The following MYLK variants were observed in gnomAD, a reference collection of about 807,000 sequenced individuals.
MYLK encodes myosin light chain kinase, smooth muscle.
MYLK carries 106 observed loss-of-function variants against 203.4 expected under a neutral mutation model. That is an observed-to-expected ratio of 0.52 (90% confidence interval 0.45 to 0.61). The LOEUF (loss-of-function observed/expected upper bound fraction) is 0.61, where lower values mean the gene tolerates loss of function less well. Among genes scored for constraint, MYLK ranks in the 20% least tolerant of loss-of-function variants. The probability of loss-of-function intolerance (pLI) is 0.00; values close to 1 mark genes in which losing one functional copy is unlikely to be tolerated. For synonymous variants in MYLK, 867 were observed against 959.5 expected (o/e 0.90, Z 1.78); for missense variants, 2,072 against 2,442.3 (o/e 0.85, Z 3.20).
chr3:123,626,876 T>C lies in MYLK; in HGVS notation c.5180A>G (p.Glu1727Gly). The change falls in exon 31 of 34, where the codon GAG becomes GGG. Residue 1727 changes from glutamate to glycine, a missense_variant. Glu to Gly is a moderately conservative substitution (Grantham distance 98). Coordinates refer to ENST00000360304, the MANE Select transcript of MYLK (RefSeq NM_053025.4). ...CCGGTCCTTGGAGAGTTTCTTGGCCTCCATGTTCTTGGTATCTTTCATTAG... is the reference window on the plus strand; with the variant it reads ...CCGGTCCTTGGAGAGTTTCTTGGCCCCCATGTTCTTGGTATCTTTCATTAG... Reference protein sequence around the residue: ...PWLMKDTKNMEAKKLSKDRMK... With the variant: ...PWLMKDTKNMGAKKLSKDRMK... 6.2e-7 allele frequency: 1 copy of C among 1,614,228 alleles called. No homozygotes were observed. Among genetic ancestry groups the C allele is most frequent in the South Asian group, 1.1e-5 (1 of 91,088 alleles).
intron 5 of MYLK, among the ~76,000 whole-genome samples, chr3:123,750,120 G>A (rs755217909): frequency 2.6e-5 from 4 of 152,214 alleles, no homozygotes; most frequent in African/African-American, 7.2e-5. Flanking sequence ...GCTTAAAATC[G>A]GTCTTGCTGC....
Position 123,654,743 on chromosome 3 carries a change from G to A in MYLK, c.4288+2383C>T, listed in dbSNP as rs1362208408. Among the ~76,000 whole-genome samples the A allele has an allele frequency of 5.9e-5, 8 of 135,342 alleles. No individual in the cohort carries two copies. The East Asian group carries it at 1.7e-3, about 29-fold the overall frequency. The allele number at this position is 135,342 out of a possible 152,430, so 88.8% of individuals were successfully genotyped here. A position where few individuals can be genotyped will look rare whatever the true frequency, so the allele number is the denominator to read the frequency against. Reference sequence around the variant, plus strand: ...TTTTTTTTTTTTTTTTTGAGACGGAGTCTCACTGTGTCACCCAGGCTGGAG... The same window carrying A: ...TTTTTTTTTTTTTTTTTGAGACGGAATCTCACTGTGTCACCCAGGCTGGAG... On this transcript the variant is annotated intron_variant, in intron 24 of 33. Transcript: ENST00000360304.
At chr3:123,664,990 A>G (rs1419515786) in intron 22 of MYLK, among the ~76,000 whole-genome samples, 1 of 152,170 alleles carries the variant, frequency 6.6e-6, no homozygotes, top group Non-Finnish European at 1.5e-5. Flanking sequence ...ATGTCTGCTA[A>G]TGGGTCTGGG....
chr3:123,721,971 C>T lies in MYLK; in HGVS notation c.1804+157G>A, dbSNP rs933667762. On this transcript the variant is annotated intron_variant, in intron 13 of 33. Transcript: ENST00000360304. ...GGTTGCAGCAGCCACTCCTCTGTCACGGCACCTGCCGCTGCCAGTGGTGTG... is the reference window on the plus strand; with the variant it reads ...GGTTGCAGCAGCCACTCCTCTGTCATGGCACCTGCCGCTGCCAGTGGTGTG... Among the ~76,000 whole-genome samples the T allele has an allele frequency of 4.5e-4, 68 of 152,236 alleles. 1 individual carries two copies. Among genetic ancestry groups the T allele is most frequent in the African/African-American group, 1.3e-3 (54 of 41,554 alleles).
chr3:123,646,528 CAT>C (rs1491145513), intron 27 of MYLK, among the ~76,000 whole-genome samples: 1 of 152,050 alleles, frequency 6.6e-6, no homozygotes, highest in Admixed American at 6.6e-5. Context: ...TGTGTGTGTG[CAT>C]GTGTGTGTGT....
intron 24 of MYLK, among the ~76,000 whole-genome samples, chr3:123,650,471 A>T (rs1309955181): frequency 1.3e-5 from 2 of 151,914 alleles, no homozygotes; most frequent in African/African-American, 4.8e-5. Flanking sequence ...GTGCGGGTGT[A>T]CCGGTGTGAG....
At chr3:123,652,524 A>G (rs1428833044) in intron 24 of MYLK, among the ~76,000 whole-genome samples, 1 of 152,204 alleles carries the variant, frequency 6.6e-6, no homozygotes, top group Admixed American at 6.5e-5. Flanking sequence ...GCACACCCAG[A>G]GAACACTAGA....
chr3:123,740,683 C>A (rs1311798591), intron 5 of MYLK, among the ~76,000 whole-genome samples: 2 of 152,214 alleles, frequency 1.3e-5, no homozygotes, highest in Admixed American at 1.3e-4. Context: ...CAAGGCGCTG[C>A]TATGCTGGAC....
Position 123,723,096 on chromosome 3 carries a change from C to G in MYLK, c.1652-816G>C, listed in dbSNP as rs116813508. On this transcript the variant is annotated intron_variant, in intron 12 of 33. Transcript: ENST00000360304. ...AAAAAAAATCTCATTACTGAAGAGT[C>G]TGTCCTCGGAGCAGGAATGTGTCCA... Among the ~76,000 whole-genome samples the G allele has an allele frequency of 8.9e-3, 1,353 of 152,210 alleles. 25 individuals carry two copies. Among genetic ancestry groups the G allele is most frequent in the African/African-American group, 0.029 (1,192 of 41,514 alleles).
chr3:123,642,237 T>C lies in MYLK; in HGVS notation c.4620-1733A>G, dbSNP rs574094314. 3.9e-5 allele frequency among the ~76,000 whole-genome samples: 6 copies of C among 152,324 alleles called. No homozygotes were observed. Among genetic ancestry groups the C allele is most frequent in the East Asian group, 1.9e-4 (1 of 5,172 alleles). Reference sequence around the variant, plus strand: ...TCTGCCTTTTATGAGCTGTGTGACATTGGGCAAGTTGCTTAACCTTTCTGA... The same window carrying C: ...TCTGCCTTTTATGAGCTGTGTGACACTGGGCAAGTTGCTTAACCTTTCTGA... On this transcript the variant is annotated intron_variant, in intron 27 of 33. Coordinates refer to ENST00000360304, the MANE Select transcript of MYLK (RefSeq NM_053025.4). This position sits in a 1 kb window ranked among gnomAD's most constrained non-coding sequence, Gnocchi z 4.2.
chr3:123,709,008 C>T (rs2061575520), intron 14 of MYLK, 113 bp from the exon 15 acceptor site: 2 of 838,008 alleles, frequency 2.4e-6, no homozygotes, highest in South Asian at 3.4e-5. Context: ...ACTCTCTATG[C>T]TTTCACTTCC....
intron 24 of MYLK, among the ~76,000 whole-genome samples, chr3:123,651,803 G>A (rs934139427): frequency 6.6e-6 from 1 of 152,212 alleles, no homozygotes; most frequent in Non-Finnish European, 1.5e-5. Flanking sequence ...CCACATCCAT[G>A]CCTCACCTTC....
At chr3:123,628,847 G>A (rs905633095) in intron 30 of MYLK, among the ~76,000 whole-genome samples, 5 of 152,222 alleles carry the variant, frequency 3.3e-5, no homozygotes, top group African/African-American at 1.2e-4. Flanking sequence ...CACAGCTGCA[G>A]CAGGCACAGG....
chr3:123,712,157 G>C (rs1056446836), intron 13 of MYLK, among the ~76,000 whole-genome samples: 13 of 152,318 alleles, frequency 8.5e-5, no homozygotes, highest in Non-Finnish European at 1.3e-4. Flanking sequence ...CGCAGCCTTC[G>C]ATGGAGGGCC....
At chr3:123,762,870 G>T (rs555408341) in intron 4 of MYLK, among the ~76,000 whole-genome samples, 1 of 152,266 alleles carries the variant, frequency 6.6e-6, no homozygotes, top group South Asian at 2.1e-4. Context: ...AGCTTCTAGG[G>T]CTGTAAGAAA....
chr3:123,848,473 C>T (rs1490175906), intron 2 of MYLK, among the ~76,000 whole-genome samples: 2 of 151,802 alleles, frequency 1.3e-5, no homozygotes, highest in Non-Finnish European at 2.9e-5. Context: ...ACTAACATAC[C>T]CTTATTTGGT....
intron 3 of MYLK, among the ~76,000 whole-genome samples, chr3:123,819,142 C>T (rs146015652): frequency 6.6e-6 from 1 of 152,220 alleles, no homozygotes; most frequent in African/African-American, 2.4e-5. Flanking sequence ...GTTGGGAGAC[C>T]ATTCTTCATG....
intron 33 of MYLK, 147 bp from the exon 34 acceptor site, chr3:123,614,496 T>C: frequency 2.4e-6 from 2 of 823,872 alleles, no homozygotes; most frequent in Non-Finnish European, 4.0e-6. Context: ...TGTTTTGATA[T>C]CTACATTAGA....
chr3:123,708,091 A>G, intron 15 of MYLK, 88 bp from the exon 16 acceptor site: 2 of 1,562,330 alleles, frequency 1.3e-6, no homozygotes, highest in Non-Finnish European at 1.7e-6. Context: ...AAGGATGGGA[A>G]GATAGCATGT....
Sources: allele counts gnomAD v4.1 joint callset (sites outside exome capture counted in the v4.1 genomes callset), GRCh38; gene constraint gnomAD v4.1.1; non-coding constraint Gnocchi (gnomAD v3.1); transcripts MANE v1.5; gene names NCBI Gene and HGNC (gene_info 2026-07-23, HGNC 2026-07-21).